The following ACAP2 variants were observed in gnomAD, a reference collection of about 807,000 sequenced individuals.
ACAP2 encodes the protein ArfGAP with coiled-coil, ankyrin repeat and PH domains 2.
In ACAP2, 39 loss-of-function variants were observed where a neutral mutation model predicts 115.8. That is an observed-to-expected ratio of 0.34 (90% CI 0.26 to 0.44). The LOEUF (loss-of-function observed/expected upper bound fraction) is 0.44, where lower values mean the gene tolerates loss of function less well. Among genes scored for constraint, ACAP2 ranks in the 20% least tolerant of loss-of-function variants. ACAP2 has a pLI of 1.00. For synonymous variants in ACAP2, 289 were observed against 315.8 expected (o/e 0.92, Z 0.90); for missense variants, 662 against 927.6 (o/e 0.71, Z 3.72).
intron 17 of ACAP2, 78 bp downstream of exon 17, chr3:195,295,630 G>A: frequency 1.4e-6 from 2 of 1,472,458 alleles, no homozygotes; most frequent in Non-Finnish European, 9.3e-7. Flanking sequence ...AAACGACAAT[G>A]GCTATTAGTT....
chr3:195,355,997 C>G (rs1577349283), intron 4 of ACAP2: 1 of 420,738 alleles, frequency 2.4e-6, no homozygotes, highest in East Asian at 7.3e-5. Flanking sequence ...TGCAGGAACA[C>G]CAAATCTGAC....
rs566046344 is a variant in ACAP2 at position 195,379,662 on chromosome 3, G to C, written c.285+1347C>G. 3.8e-4 allele frequency among the ~76,000 whole-genome samples: 58 copies of C among 152,246 alleles called. No homozygotes were observed. In the Middle Eastern group the frequency reaches 0.017, roughly 45 times the overall value. ...AAACAAACAAACAAAAAATTGGCCT[G>C]GCATGATGGCACATACCTGTAGTCC... On this transcript the variant is annotated intron_variant, in intron 4 of 22. Transcript: ENST00000326793.
chr3:195,383,225 C>CA (rs1055833511), intron 2 of ACAP2, among the ~76,000 whole-genome samples: 2 of 150,976 alleles, frequency 1.3e-5, no homozygotes, highest in African/African-American at 4.9e-5. Flanking sequence ...GCAAGAAGAG[C>CA]AAAAAAATAT....
chr3:195,433,429 T>C lies in ACAP2; in HGVS notation c.53+9366A>G, dbSNP rs148420003. 2.4e-4 allele frequency among the ~76,000 whole-genome samples: 36 copies of C among 152,346 alleles called. No homozygotes were observed. In the East Asian group the frequency reaches 5.6e-3, roughly 24 times the overall value. On this transcript the variant is annotated intron_variant, in intron 1 of 22. Transcript: ENST00000326793. ...TAGTTTTACTATTTCTTTTCCTATA[T>C]GGATGCCTTTAATTTCTCTTTCCAG...
At chr3:195,288,182 A>C (rs1297148008) in intron 21 of ACAP2, among the ~76,000 whole-genome samples, 2 of 152,202 alleles carry the variant, frequency 1.3e-5, no homozygotes, top group Non-Finnish European at 2.9e-5. Context: ...ATGGCTAAGA[A>C]CATGGGGAGC....
At chr3:195,327,523 T>C (rs1447794781) in intron 8 of ACAP2, among the ~76,000 whole-genome samples, 1 of 151,912 alleles carries the variant, frequency 6.6e-6, no homozygotes, top group South Asian at 2.1e-4. Flanking sequence ...ATTCATGAGA[T>C]AAAAGAGAAA....
intron 1 of ACAP2, among the ~76,000 whole-genome samples, chr3:195,409,879 CAAAAAAAAAAAAA>C (rs59779977): frequency 1.8e-5 from 1 of 56,980 alleles, no homozygotes; most frequent in South Asian, 1.2e-3. Context: ...GACTCCATCT[CAAAAAAAAAAAAA>C]AAAAAAAAAA....
intron 2 of ACAP2, among the ~76,000 whole-genome samples, chr3:195,391,503 G>C (rs1298956463): frequency 6.6e-6 from 1 of 151,944 alleles, no homozygotes; most frequent in East Asian, 1.9e-4. Context: ...TGGGATTACA[G>C]GCGTGAGCCA....
chr3:195,381,311 T>G (rs114802269), intron 3 of ACAP2, among the ~76,000 whole-genome samples: 1 of 152,156 alleles, frequency 6.6e-6, no homozygotes, highest in Non-Finnish European at 1.5e-5. Flanking sequence ...ATGCTAACAA[T>G]AGAAATGGTA....
intron 7 of ACAP2, chr3:195,336,609 A>G (rs112620573): frequency 1.2e-4 from 23 of 191,840 alleles, no homozygotes; most frequent in African/African-American, 4.6e-4. Context: ...TTTATACCAA[A>G]CATTTTTAGT....
rs749352761 is a variant in ACAP2 at position 195,377,138 on chromosome 3, CTTTTTTT to C, written c.285+3864_285+3870del. 2.6e-4 allele frequency among the ~76,000 whole-genome samples: 20 copies of C among 77,114 alleles called. 1 individual carries two copies. The East Asian group carries it at 6.9e-3, about 26-fold the overall frequency. The allele number at this position is 77,114 out of a possible 152,430, so 50.6% of individuals were successfully genotyped here. The stretch of plus-strand genomic sequence containing the variant: ...CATTTTACAGAGGAGGAATGTAAAT[CTTTTTTT>C]TTTTTTTTTTTTTTTTGGAAACAAG... On this transcript the variant is annotated intron_variant, in intron 4 of 22. Transcript: ENST00000326793.
At chr3:195,327,167 T>C (rs1004530399) in intron 8 of ACAP2, among the ~76,000 whole-genome samples, 6 of 152,088 alleles carry the variant, frequency 3.9e-5, no homozygotes, top group South Asian at 4.1e-4. Flanking sequence ...CACTAGAAAA[T>C]AAAAATTTCC....
At chr3:195,393,065 G>A (rs1734781635) in intron 1 of ACAP2, among the ~76,000 whole-genome samples, 1 of 152,158 alleles carries the variant, frequency 6.6e-6, no homozygotes. Context: ...GAACAAGCAT[G>A]GTGGCTCACA....
chr3:195,319,921 T>C (rs1487554022), intron 10 of ACAP2, among the ~76,000 whole-genome samples: 2 of 152,154 alleles, frequency 1.3e-5, no homozygotes, highest in Non-Finnish European at 2.9e-5. Flanking sequence ...CACCCAAATC[T>C]CATCTTAAAT....
At chr3:195,279,674 G>T (rs2108882005) in intron 22 of ACAP2, 2 of 298,202 alleles carry the variant, frequency 6.7e-6, no homozygotes, top group African/African-American at 2.2e-5. Flanking sequence ...AGTTAGAAAA[G>T]AGCAAAGATG....
intron 22 of ACAP2, among the ~76,000 whole-genome samples, chr3:195,282,911 A>C (rs1393788411): frequency 6.6e-6 from 1 of 152,218 alleles, no homozygotes; most frequent in Non-Finnish European, 1.5e-5. Context: ...TGATGATTCA[A>C]GAGTTTGCTA....
chr3:195,281,154 C>A (rs1352773194), intron 22 of ACAP2, among the ~76,000 whole-genome samples: 2 of 152,120 alleles, frequency 1.3e-5, no homozygotes, highest in Non-Finnish European at 2.9e-5. Flanking sequence ...GCCTCTAATC[C>A]CAGCACTTTG....
At chr3:195,284,930 A>G (rs1577231429) in intron 22 of ACAP2, among the ~76,000 whole-genome samples, 1 of 152,324 alleles carries the variant, frequency 6.6e-6, no homozygotes, top group Middle Eastern at 3.4e-3. Flanking sequence ...ACGTCTAATC[A>G]ACGTGTTCTT....
At chr3:195,319,099 C>A (rs976793378) in intron 10 of ACAP2, among the ~76,000 whole-genome samples, 2 of 152,204 alleles carry the variant, frequency 1.3e-5, no homozygotes, top group African/African-American at 4.8e-5. Context: ...TCAGAGTGGG[C>A]AAGCCCCAAG....
Sources: gnomAD v4.1 joint callset for allele counts (sites outside exome capture counted in the v4.1 genomes callset) on GRCh38, gnomAD v4.1.1 for gene constraint, MANE v1.5 for transcripts, NCBI Gene and HGNC (gene_info 2026-07-23, HGNC 2026-07-21) for gene names.